The following FCMR variants were observed in gnomAD, a reference collection of about 807,000 sequenced individuals.
FCMR encodes Fc mu receptor, also known as immunoglobulin mu Fc receptor.
Under a neutral mutation model 41.6 loss-of-function variants are expected in FCMR, and 34 were observed. The ratio of observed to expected loss-of-function variants is 0.82; its 90% confidence interval spans 0.62 to 1.09. The LOEUF is 1.09. Among genes scored for constraint, FCMR ranks in the 50% least tolerant of loss-of-function variants. The probability of loss-of-function intolerance (pLI) is 0.00; values close to 1 mark genes in which losing one functional copy is unlikely to be tolerated. For synonymous variants in FCMR, 209 were observed against 211.8 expected, an observed-to-expected ratio of 0.99 and a Z score of 0.12; for missense variants, 496 against 512.5, an observed-to-expected ratio of 0.97 and a Z score of 0.31.
In FCMR at chr1:206,911,884, G is replaced by A. The variant is rs1678956826; in HGVS notation, c.556C>T (p.His186Tyr). 6.2e-7 allele frequency: 1 copy of A among 1,605,928 alleles called. No homozygotes were observed. Among genetic ancestry groups the A allele is most frequent in the Non-Finnish European group, 8.5e-7 (1 of 1,177,464 alleles). The change falls in exon 4 of 8, where the codon CAC (histidine) becomes TAC (tyrosine). Residue 186 changes from histidine (H) to tyrosine (Y), a missense_variant. Physicochemically the swap from His to Tyr is moderately conservative, Grantham distance 83. Transcript: ENST00000367091. The part of the protein sequence containing the change: ...HHSSPTTQIT[H>Y]RPRVSRASSV... The stretch of plus-strand genomic sequence containing the variant: ...GATGCTCTGGACACTCGAGGGCGGT[G>A]GGTGATTTGGGTGGTGGGGGAGGAG...
intron 4 of FCMR, among the ~76,000 whole-genome samples, chr1:206,911,492 A>G (rs1678937881): frequency 6.6e-6 from 1 of 152,198 alleles, no homozygotes; most frequent in Admixed American, 6.5e-5. Context: ...ATCTGAATGA[A>G]TCTAAGTGAC....
chr1:206,918,653 G>C (rs374129846), intron 1 of FCMR, among the ~76,000 whole-genome samples: 20 of 85,460 alleles, frequency 2.3e-4, no homozygotes, highest in Non-Finnish European at 4.3e-4. Context: ...AATTTTAAGT[G>C]TGTGTGTGTG....
chr1:206,914,012 A>G lies in FCMR; in HGVS notation c.120T>C (p.Pro40=). The change falls in exon 2 of 8, where the codon CCT becomes CCC. Residue 40 remains proline, a synonymous_variant. Coordinates refer to ENST00000367091, the MANE Select transcript of FCMR (RefSeq NM_005449.5). ...GGSVTIKCPL[P]EMHVRIYLCR... The stretch of plus-strand genomic sequence containing the variant: ...ACAGATATATCCTCACATGCATTTC[A>G]GGAAGTGGGCACTTGATGGTAACTG... The G allele has an allele frequency of 2.5e-6, 4 of 1,614,204 alleles. No individual in the cohort carries two copies.
Position 206,909,284 on chromosome 1 carries a change from C to T in FCMR, c.1044+178G>A, listed in dbSNP as rs1210771401. On this transcript the variant is annotated intron_variant, in intron 7 of 7. Coordinates refer to ENST00000367091, the MANE Select transcript of FCMR (RefSeq NM_005449.5). The surrounding 1 kb of genome is among the most constrained non-coding windows in gnomAD (Gnocchi z 5.0). ...GTTCCCGGTATTCAACCTCCTGACA[C>T]CAAACAAGGAGGAAACTAAAACAAC... Among the ~76,000 whole-genome samples the T allele has an allele frequency of 6.6e-6, 1 of 152,216 alleles. No individual in the cohort carries two copies. Among genetic ancestry groups the T allele is most frequent in the Admixed American group, 6.5e-5 (1 of 15,286 alleles).
At chr1:206,915,977 G>A (rs1679175063) in intron 1 of FCMR, among the ~76,000 whole-genome samples, 1 of 151,822 alleles carries the variant, frequency 6.6e-6, no homozygotes, top group Non-Finnish European at 1.5e-5. Context: ...ACAATCATGG[G>A]AGGGGGAAAG....
rs904525013 is a variant in FCMR, at chr1:206,903,935, C to G, written c.*1084G>C. On this transcript the variant is annotated 3_prime_UTR_variant, in exon 8 of 8. Coordinates refer to ENST00000367091, the MANE Select transcript of FCMR (RefSeq NM_005449.5). ...GACTGTGTTGTACAGCTAGAAAAGG[C>G]CTTCTTCCCAATAGCAAGGCTGTGC... 3 of 152,380 alleles carry G rather than the reference C, an allele frequency of 2.0e-5. No individual in the cohort carries two copies. The highest frequency in any genetic ancestry group is 7.2e-5 in the African/African-American group (3 of 41,462). The allele number at this position is 152,380 out of a possible 1,614,324, so 9.4% of individuals were successfully genotyped here. A position where few individuals can be genotyped will look rare whatever the true frequency, so the allele number is the denominator to read the frequency against.
In FCMR at chr1:206,909,446, C is replaced by A; in HGVS notation, c.1044+16G>T. 1 of 1,266,744 alleles carries A rather than the reference C, an allele frequency of 7.9e-7. No homozygotes were observed. The highest frequency in any genetic ancestry group is 9.9e-7 in the Non-Finnish European group (1 of 1,006,146). 78.5% of individuals were successfully genotyped at this position (1,266,744 alleles called of 1,614,324 possible). On this transcript the variant is annotated intron_variant, in intron 7 of 7. Transcript: ENST00000367091. This position sits in a 1 kb window ranked among gnomAD's most constrained non-coding sequence, Gnocchi z 5.0. ...GTCGGGCCGCGGCTGCCAATCAGGG[C>A]AGGAGCGGAGCTTACCTGCAGCGGG...
Position 206,904,162 on chromosome 1 carries a change from T to C in FCMR, c.*857A>G, listed in dbSNP as rs566617464. ...TCCTTCCCCTGCTTGCTATACATTGTCTGGAACTGGCTAAGAAATGGGGAA... is the reference window on the plus strand; with the variant it reads ...TCCTTCCCCTGCTTGCTATACATTGCCTGGAACTGGCTAAGAAATGGGGAA... On this transcript the variant is annotated 3_prime_UTR_variant, in exon 8 of 8. Coordinates refer to ENST00000367091, the MANE Select transcript of FCMR (RefSeq NM_005449.5). The C allele has an allele frequency of 1.3e-5, 2 of 152,376 alleles. No individual in the cohort carries two copies. The highest frequency in any genetic ancestry group is 1.3e-4 in the Admixed American group (2 of 15,276). 9.4% of individuals were successfully genotyped at this position (152,376 alleles called of 1,614,324 possible). A position where few individuals can be genotyped will look rare whatever the true frequency, so the allele number is the denominator to read the frequency against.
At position 206,913,258 on chromosome 1, in the gene FCMR, T is replaced by C. The variant is rs192041098; in HGVS notation, c.374-216A>G. ...TTCCCTGCAAAACCAGCAGAGGTCA[T>C]TGGGATTCTAGGCTGTTGAATTACT... On this transcript the variant is annotated intron_variant, in intron 2 of 7. Coordinates refer to ENST00000367091, the MANE Select transcript of FCMR (RefSeq NM_005449.5). Among the ~76,000 whole-genome samples the C allele has an allele frequency of 8.5e-5, 13 of 152,246 alleles. No homozygotes were observed. The East Asian group carries it at 1.2e-3, about 14-fold the overall frequency.
rs1678505344 is a variant in FCMR, at chr1:206,903,929, A to G, written c.*1090T>C. The G allele has an allele frequency of 6.6e-6, 1 of 152,362 alleles. No individual in the cohort carries two copies. The highest frequency in any genetic ancestry group is 1.5e-5 in the Non-Finnish European group (1 of 68,044). 9.4% of individuals were successfully genotyped at this position (152,362 alleles called of 1,614,324 possible). On this transcript the variant is annotated 3_prime_UTR_variant, in exon 8 of 8. Coordinates refer to ENST00000367091, the MANE Select transcript of FCMR (RefSeq NM_005449.5). ...CAGTGAGACTGTGTTGTACAGCTAG[A>G]AAAGGCCTTCTTCCCAATAGCAAGG...
At chr1:206,912,038 T>C (rs1678966872) in intron 3 of FCMR, 86 bp from the exon 4 acceptor site, 1 of 1,018,176 alleles carries the variant, frequency 9.8e-7, no homozygotes, top group Admixed American at 2.5e-5. Flanking sequence ...TTCCACAACA[T>C]ACCCTTCCCT....
chr1:206,921,642 G>A (rs1435673853), intron 1 of FCMR, among the ~76,000 whole-genome samples, 176 bp downstream of exon 1: 1 of 152,118 alleles, frequency 6.6e-6, no homozygotes, highest in Non-Finnish European at 1.5e-5. Context: ...GCATTACCAT[G>A]GAGTGAGGAA....
chr1:206,919,241 A>T (rs1397192813), intron 1 of FCMR, among the ~76,000 whole-genome samples: 1 of 152,178 alleles, frequency 6.6e-6, no homozygotes, highest in Non-Finnish European at 1.5e-5. Flanking sequence ...CCAGGATAGA[A>T]GCTTGCACCG....
At chr1:206,916,838 CTG>C (rs2102572195) in intron 1 of FCMR, among the ~76,000 whole-genome samples, 1 of 152,332 alleles carries the variant, frequency 6.6e-6, no homozygotes, top group East Asian at 1.9e-4. Context: ...GTGATTACAT[CTG>C]TCTAGGGCAT....
intron 1 of FCMR, among the ~76,000 whole-genome samples, chr1:206,915,219 G>T (rs1679135897): frequency 6.6e-6 from 1 of 152,206 alleles, no homozygotes; most frequent in African/African-American, 2.4e-5. Flanking sequence ...CCAGTGAGCA[G>T]TGTAATACAT....
chr1:206,913,747 G>C lies in FCMR; in HGVS notation c.373+12C>G. 6.2e-7 allele frequency: 1 copy of C among 1,609,200 alleles called. No individual in the cohort carries two copies. Among genetic ancestry groups the C allele is most frequent in the Non-Finnish European group, 8.5e-7 (1 of 1,175,750 alleles). Reference sequence around the variant, plus strand: ...TGGGTAGTCTGAGCCTCCAATCAGCGGAGGAACCTACCACTGTGGACATTC... The same window carrying C: ...TGGGTAGTCTGAGCCTCCAATCAGCCGAGGAACCTACCACTGTGGACATTC... On this transcript the variant is annotated intron_variant, in intron 2 of 7. Coordinates refer to ENST00000367091, the MANE Select transcript of FCMR (RefSeq NM_005449.5).
At chr1:206,922,671 A>C (rs561210219), upstream of FCMR, among the ~76,000 whole-genome samples, 17 of 152,356 alleles carry the variant, frequency 1.1e-4, no homozygotes, top group Non-Finnish European at 2.2e-4. Flanking sequence ...GCAATGCCAG[A>C]ACTGGGGTGT....
intron 1 of FCMR, among the ~76,000 whole-genome samples, chr1:206,918,139 A>G (rs1239013732): frequency 3.3e-5 from 5 of 152,084 alleles, no homozygotes; most frequent in East Asian, 1.9e-4. Flanking sequence ...GCCACATGTA[A>G]TGGTCACCTC....
chr1:206,921,942 G>A (rs969896640), upstream of FCMR: 5 of 1,223,530 alleles, frequency 4.1e-6, no homozygotes, highest in Non-Finnish European at 6.0e-6. Context: ...TTCACAATCT[G>A]GAACTGGAAA....
Sources: gnomAD v4.1 joint callset for allele counts (sites outside exome capture counted in the v4.1 genomes callset) on GRCh38, gnomAD v4.1.1 for gene constraint, Gnocchi (gnomAD v3.1) non-coding constraint, MANE v1.5 for transcripts, NCBI Gene and HGNC (gene_info 2026-07-23, HGNC 2026-07-21) for gene names.